MAD1L1: variants seen among roughly 807,000 people sequenced by gnomAD.
MAD1L1 encodes mitotic arrest deficient 1 like 1, also known as mitotic spindle assembly checkpoint protein MAD1.
MAD1L1 carries 95 observed loss-of-function variants against 96.9 expected under a neutral mutation model. That is an observed-to-expected ratio of 0.98 (90% CI 0.83 to 1.16). The LOEUF (loss-of-function observed/expected upper bound fraction) is 1.16, where lower values mean the gene tolerates loss of function less well. Among genes scored for constraint, MAD1L1 ranks in the 50% most tolerant of loss-of-function variants. MAD1L1 has a pLI of 0.00. For synonymous variants in MAD1L1, 473 were observed against 396.6 expected, an observed-to-expected ratio of 1.19 and a Z score of -2.29; for missense variants, 1,007 against 954.4, an observed-to-expected ratio of 1.06 and a Z score of -0.73.
At chr7:2,080,621 C>T (rs1204288316) in intron 11 of MAD1L1, among the ~76,000 whole-genome samples, 1 of 149,364 alleles carries the variant, frequency 6.7e-6, no homozygotes, top group Non-Finnish European at 1.5e-5. Context: ...GGGAGCAGGA[C>T]TCAAAGAACA....
intron 15 of MAD1L1, among the ~76,000 whole-genome samples, chr7:1,964,817 T>C (rs377223132): frequency 1.7e-4 from 26 of 152,296 alleles, no homozygotes; most frequent in African/African-American, 6.3e-4. Flanking sequence ...AAATGATTAG[T>C]TGTTTTTGCT....
At chr7:1,956,389 G>T (rs1440954027) in intron 16 of MAD1L1, among the ~76,000 whole-genome samples, 1 of 152,168 alleles carries the variant, frequency 6.6e-6, no homozygotes, top group East Asian at 1.9e-4. Flanking sequence ...GGGCACAGTT[G>T]TCCCTGTTGC....
At chr7:2,012,207 A>G (rs2128497216) in intron 13 of MAD1L1, among the ~76,000 whole-genome samples, 1 of 152,328 alleles carries the variant, frequency 6.6e-6, no homozygotes, top group East Asian at 1.9e-4. Context: ...CTGGTCAATG[A>G]GTCCTGAGGT....
intron 12 of MAD1L1, among the ~76,000 whole-genome samples, chr7:2,039,019 C>A (rs1007910782): frequency 5.3e-5 from 8 of 152,202 alleles, no homozygotes; most frequent in African/African-American, 1.9e-4. Flanking sequence ...GTTGTCCGTT[C>A]ACAGCCACGA....
intron 18 of MAD1L1, among the ~76,000 whole-genome samples, chr7:1,828,738 C>A (rs1184000811): frequency 1.3e-5 from 2 of 152,172 alleles, no homozygotes; most frequent in African/African-American, 4.8e-5. Flanking sequence ...CGCACACATG[C>A]ACACACAGCC....
At chr7:1,839,082 G>A (rs375272467) in intron 18 of MAD1L1, among the ~76,000 whole-genome samples, 162 of 152,226 alleles carry the variant, frequency 1.1e-3, no homozygotes, top group African/African-American at 3.3e-3. Context: ...AGCTGCCTCC[G>A]TGCCCTGGGG....
At chr7:2,216,332 AAG>A (rs1793278705) in intron 7 of MAD1L1, 45 bp from the exon 8 acceptor site, 18 of 1,593,674 alleles carry the variant, frequency 1.1e-5, no homozygotes, top group Non-Finnish European at 1.5e-5. Context: ...ATGAGCCACG[AAG>A]AGACCTGGAG....
Position 2,048,326 on chromosome 7 carries a change from C to CT in MAD1L1, c.1218+20867dup, listed in dbSNP as rs372283914. Reference sequence around the variant, plus strand: ...CCTGCCTGTTCACCCAGGCAAGTTCCTTCATCTCATCCAACGACAAATTCC... The same window carrying CT: ...CCTGCCTGTTCACCCAGGCAAGTTCCTTTCATCTCATCCAACGACAAATTCC... On this transcript the variant is annotated intron_variant, in intron 12 of 18. Coordinates refer to ENST00000265854, the MANE Select transcript of MAD1L1 (RefSeq NM_001013836.2). 2.0e-5 allele frequency among the ~76,000 whole-genome samples: 3 copies of CT among 152,348 alleles called. No individual in the cohort carries two copies. In the East Asian group the frequency reaches 5.8e-4, roughly 29 times the overall value.
intron 18 of MAD1L1, among the ~76,000 whole-genome samples, chr7:1,867,010 G>C (rs763177415): frequency 6.6e-6 from 1 of 152,194 alleles, no homozygotes; most frequent in African/African-American, 2.4e-5. Context: ...TACAGGGCCC[G>C]CTGGGCTCCT....
At chr7:1,941,340 G>A (rs1213539302) in intron 16 of MAD1L1, among the ~76,000 whole-genome samples, 1 of 152,210 alleles carries the variant, frequency 6.6e-6, no homozygotes, top group African/African-American at 2.4e-5. Context: ...ATCCTGGGAT[G>A]AGGTTTCCCC....
intron 15 of MAD1L1, among the ~76,000 whole-genome samples, chr7:1,973,552 T>C (rs1350158992): frequency 4.6e-5 from 7 of 151,980 alleles, no homozygotes; most frequent in Admixed American, 4.6e-4. Context: ...GACAGCTGGG[T>C]ACGAGCTCAG....
chr7:1,840,664 G>A (rs1470900039), intron 18 of MAD1L1, among the ~76,000 whole-genome samples: 1 of 152,258 alleles, frequency 6.6e-6, no homozygotes, highest in South Asian at 2.1e-4. Context: ...GGGAGGCAGA[G>A]GTTGCAGTGA....
intron 15 of MAD1L1, among the ~76,000 whole-genome samples, chr7:1,976,935 G>C (rs1223328624): frequency 1.3e-5 from 2 of 152,214 alleles, no homozygotes; most frequent in Non-Finnish European, 2.9e-5. Flanking sequence ...GCACTGACTG[G>C]TGCGTTTACA....
intron 5 of MAD1L1, chr7:2,220,941 CG>C: frequency 6.2e-7 from 1 of 1,612,344 alleles, no homozygotes; most frequent in Non-Finnish European, 8.5e-7. Flanking sequence ...CAGGGTCACC[CG>C]TGTTGTAGGG....
intron 13 of MAD1L1, 114 bp downstream of exon 13, chr7:2,014,388 C>A: frequency 7.4e-7 from 1 of 1,360,082 alleles, no homozygotes; most frequent in Non-Finnish European, 9.8e-7. Context: ...ACCTGCCAGC[C>A]GGGAACTGGG....
At chr7:2,008,776 G>A (rs1445309249) in intron 13 of MAD1L1, among the ~76,000 whole-genome samples, 2 of 114,244 alleles carry the variant, frequency 1.8e-5, no homozygotes, top group African/African-American at 5.3e-5. Flanking sequence ...AGCTCAGGGG[G>A]GGAAGGAACA....
chr7:1,957,847 T>C, intron 15 of MAD1L1, 128 bp from the exon 16 acceptor site: 1 of 722,026 alleles, frequency 1.4e-6, no homozygotes, highest in Non-Finnish European at 2.4e-6. Flanking sequence ...TAAATACATA[T>C]CTGTGAAGCT....
chr7:2,041,279 C>A (rs888360115), intron 12 of MAD1L1, among the ~76,000 whole-genome samples: 2 of 152,188 alleles, frequency 1.3e-5, no homozygotes, highest in Admixed American at 1.3e-4. Flanking sequence ...CATGCCCGCA[C>A]CTCCTACAGC....
At chr7:2,068,329 C>G (rs1401997730) in intron 12 of MAD1L1, among the ~76,000 whole-genome samples, 1 of 152,232 alleles carries the variant, frequency 6.6e-6, no homozygotes, top group Non-Finnish European at 1.5e-5. Flanking sequence ...AGCTGTAAAA[C>G]AGCATCTTTG....
Sources: gnomAD v4.1 joint callset for allele counts (sites outside exome capture counted in the v4.1 genomes callset) on GRCh38, gnomAD v4.1.1 for gene constraint, MANE v1.5 for transcripts, NCBI Gene and HGNC (gene_info 2026-07-23, HGNC 2026-07-21) for gene names.